The following ZPBP variants were observed in gnomAD, a reference collection of about 807,000 sequenced individuals.
The protein encoded by ZPBP is zona pellucida binding protein.
In ZPBP, 26 loss-of-function variants were observed where a neutral mutation model predicts 44.8. That is an observed-to-expected ratio of 0.58 (90% confidence interval 0.43 to 0.81). ZPBP has a LOEUF of 0.81. Among genes scored for constraint, ZPBP ranks in the 30% least tolerant of loss-of-function variants. ZPBP has a pLI of 0.00. For missense variants in ZPBP, 409 were observed against 434.0 expected, an observed-to-expected ratio of 0.94 and a Z score of 0.51; for synonymous variants, 174 against 153.2, an observed-to-expected ratio of 1.14 and a Z score of -1.00.
intron 7 of ZPBP, among the ~76,000 whole-genome samples, chr7:49,948,092 C>G (rs1163927319): frequency 6.6e-6 from 1 of 152,222 alleles, no homozygotes; most frequent in African/African-American, 2.4e-5. Context: ...CCTTTCAAGG[C>G]AGTGGGCTAC....
At chr7:50,009,716 T>G (rs1226473832) in intron 6 of ZPBP, among the ~76,000 whole-genome samples, 2 of 151,952 alleles carry the variant, frequency 1.3e-5, no homozygotes, top group African/African-American at 4.8e-5. Flanking sequence ...GACGTAATTG[T>G]GATAGAAAAT....
intron 6 of ZPBP, among the ~76,000 whole-genome samples, chr7:49,984,348 A>C (rs1797154127): frequency 6.6e-6 from 1 of 152,218 alleles, no homozygotes; most frequent in South Asian, 2.1e-4. Context: ...AAGGGTGATA[A>C]AATAATAACT....
intron 2 of ZPBP, among the ~76,000 whole-genome samples, chr7:49,858,775 G>T (rs570600913): frequency 6.6e-6 from 1 of 152,190 alleles, no homozygotes; most frequent in East Asian, 1.9e-4. Flanking sequence ...CTTCAGTTTT[G>T]TTACTTATGT....
Position 49,962,140 on chromosome 7 carries a change from A to T in ZPBP, c.961+21202T>A, listed in dbSNP as rs183513846. 2.2e-4 allele frequency among the ~76,000 whole-genome samples: 34 copies of T among 152,036 alleles called. No individual in the cohort carries two copies. The East Asian group carries it at 5.4e-3, about 24-fold the overall frequency. ...AAGGCAAGAAGAGGAAAGAACTGCA[A>T]CTCATTTCTGAAACAGCAGTGCCCT... On this transcript the variant is annotated intron_variant, in intron 7 of 7. Transcript: ENST00000046087.
At chr7:50,050,372 T>G (rs1800627767) in intron 4 of ZPBP, among the ~76,000 whole-genome samples, 1 of 152,004 alleles carries the variant, frequency 6.6e-6, no homozygotes, top group African/African-American at 2.4e-5. Flanking sequence ...TAATCAACAG[T>G]GTAGCACTGG....
intron 6 of ZPBP, among the ~76,000 whole-genome samples, chr7:50,008,874 GTAAA>G (rs913499086): frequency 7.2e-5 from 11 of 152,140 alleles, no homozygotes; most frequent in Admixed American, 7.2e-4. Flanking sequence ...AAGCAAAAGA[GTAAA>G]TAAAGACACA....
chr7:49,904,253 C>G (rs191468039), intron 1 of ZPBP, among the ~76,000 whole-genome samples: 1 of 152,064 alleles, frequency 6.6e-6, no homozygotes, highest in Non-Finnish European at 1.5e-5. Context: ...AAAGCTTTAC[C>G]GAGGACTCCC....
intron 7 of ZPBP, among the ~76,000 whole-genome samples, chr7:49,940,181 G>A (rs1794811857): frequency 6.6e-6 from 1 of 152,076 alleles, no homozygotes; most frequent in African/African-American, 2.4e-5. Flanking sequence ...CAAAGGCTGT[G>A]TCTCCCAATT....
chr7:49,856,878 G>A (rs1284568973), intron 2 of ZPBP, among the ~76,000 whole-genome samples: 7 of 151,716 alleles, frequency 4.6e-5, no homozygotes, highest in South Asian at 2.1e-4. Flanking sequence ...GCGTGGTGGC[G>A]GGCGCCTGTA....
At chr7:49,855,204 C>A (rs1790366375) in intron 2 of ZPBP, among the ~76,000 whole-genome samples, 1 of 152,166 alleles carries the variant, frequency 6.6e-6, no homozygotes, top group Admixed American at 6.5e-5. Context: ...GCAAATCTTT[C>A]TTTTTCTCAT....
intron 3 of ZPBP, among the ~76,000 whole-genome samples, chr7:50,059,907 C>G (rs1402423457): frequency 6.6e-6 from 1 of 152,110 alleles, no homozygotes; most frequent in African/African-American, 2.4e-5. Flanking sequence ...CCAGCAAGAG[C>G]ATCTCCCACC....
At chr7:49,887,901 G>A (rs1347998779) in intron 2 of ZPBP, among the ~76,000 whole-genome samples, 1 of 152,152 alleles carries the variant, frequency 6.6e-6, no homozygotes, top group African/African-American at 2.4e-5. Context: ...TCCTTGCGTT[G>A]TATTTATTCA....
intron 3 of ZPBP, among the ~76,000 whole-genome samples, chr7:50,074,658 A>G (rs1392120655): frequency 2.0e-5 from 3 of 151,956 alleles, no homozygotes; most frequent in Non-Finnish European, 4.4e-5. Flanking sequence ...GACAAAAACT[A>G]TCAGAGAAAA....
At chr7:49,982,409 A>G (rs1797066777) in intron 7 of ZPBP, among the ~76,000 whole-genome samples, 1 of 141,036 alleles carries the variant, frequency 7.1e-6, no homozygotes. Context: ...AAAGTTACAA[A>G]GTTAACAGTT....
chr7:50,078,596 A>G (rs1399063200), intron 3 of ZPBP, among the ~76,000 whole-genome samples: 1 of 151,362 alleles, frequency 6.6e-6, no homozygotes, highest in African/African-American at 2.4e-5. Context: ...GTAAGACCTA[A>G]AACAATAAAA....
intron 5 of ZPBP, among the ~76,000 whole-genome samples, chr7:50,030,300 A>C (rs1309913306): frequency 6.6e-6 from 1 of 152,104 alleles, no homozygotes; most frequent in Non-Finnish European, 1.5e-5. Context: ...GAAAGAGAGG[A>C]GAAGAGAAGG....
At chr7:49,906,177 C>T (rs118032500) in intron 1 of ZPBP, among the ~76,000 whole-genome samples, 7,125 of 152,224 alleles carry the variant, frequency 0.047, 241 homozygotes, top group Non-Finnish European at 0.069. Context: ...TATGGACTCA[C>T]CCCAAATTCT....
intron 1 of ZPBP, among the ~76,000 whole-genome samples, chr7:49,924,899 C>A (rs1210473496): frequency 1.3e-5 from 2 of 152,186 alleles, no homozygotes; most frequent in African/African-American, 2.4e-5. Flanking sequence ...CCCAGACCCA[C>A]CAACAGGCAC....
At chr7:50,059,960 T>C (rs1195709998) in intron 3 of ZPBP, among the ~76,000 whole-genome samples, 1 of 151,138 alleles carries the variant, frequency 6.6e-6, no homozygotes, top group African/African-American at 2.4e-5. Flanking sequence ...TCTGAGCAGA[T>C]CTTCAGAAGG....
Sources: gnomAD v4.1 joint callset for allele counts (sites outside exome capture counted in the v4.1 genomes callset) on GRCh38, gnomAD v4.1.1 for gene constraint, MANE v1.5 for transcripts, NCBI Gene and HGNC (gene_info 2026-07-23, HGNC 2026-07-21) for gene names.